The following POFUT3 variants were observed in gnomAD, a reference collection of about 807,000 sequenced individuals.
The protein encoded by POFUT3 is GDP-fucose protein O-fucosyltransferase 3.
At chr8:33,396,503 CTA>C in the POFUT3 span, among the ~76,000 whole-genome samples, 3 of 152,284 alleles carry the variant, frequency 2.0e-5, no homozygotes, top group South Asian at 2.1e-4. Flanking sequence ...TCTAAAAATA[CTA>C]TGTTTCTTGG....
the POFUT3 span, among the ~76,000 whole-genome samples, chr8:33,447,901 G>C: frequency 2.7e-4 from 41 of 152,190 alleles, no homozygotes; most frequent in Admixed American, 2.0e-4. Context: ...CACTCAGACA[G>C]AAGAGTGTGT....
At chr8:33,383,375 C>T in the POFUT3 span, among the ~76,000 whole-genome samples, 1 of 152,112 alleles carries the variant, frequency 6.6e-6, no homozygotes, top group Non-Finnish European at 1.5e-5. Context: ...GGTGGTAAAT[C>T]CCCATTAAAA....
the POFUT3 span, among the ~76,000 whole-genome samples, chr8:33,345,818 A>G: frequency 6.8e-6 from 1 of 146,352 alleles, no homozygotes; most frequent in African/African-American, 2.5e-5. Flanking sequence ...AGAAGTTGGT[A>G]TTTATTACTT....
chr8:33,436,135 G>T, the POFUT3 span: 1 of 1,213,230 alleles, frequency 8.2e-7, no homozygotes, highest in East Asian at 3.4e-5. Context: ...GAAAGGAAGA[G>T]AAGGTCTCAA....
the POFUT3 span, among the ~76,000 whole-genome samples, chr8:33,359,543 C>G: frequency 6.6e-6 from 1 of 152,100 alleles, no homozygotes; most frequent in African/African-American, 2.4e-5. Flanking sequence ...GAGTTCAGAT[C>G]ATCTCCACCA....
At chr8:33,399,145 G>A in the POFUT3 span, among the ~76,000 whole-genome samples, 1 of 152,084 alleles carries the variant, frequency 6.6e-6, no homozygotes, top group East Asian at 1.9e-4. Context: ...CCAGCATATA[G>A]CCATTTTCTT....
At chr8:33,386,565 C>G in the POFUT3 span, among the ~76,000 whole-genome samples, 1 of 152,176 alleles carries the variant, frequency 6.6e-6, no homozygotes, top group Non-Finnish European at 1.5e-5. Flanking sequence ...AATCTCAGCA[C>G]TTTGTGAGGC....
At chr8:33,428,840 C>T in the POFUT3 span, among the ~76,000 whole-genome samples, 1 of 152,212 alleles carries the variant, frequency 6.6e-6, no homozygotes, top group Non-Finnish European at 1.5e-5. Flanking sequence ...GTGATGATCC[C>T]TCCATCTTAG....
At chr8:33,399,122 A>T in the POFUT3 span, among the ~76,000 whole-genome samples, 2 of 152,138 alleles carry the variant, frequency 1.3e-5, no homozygotes, top group Non-Finnish European at 2.9e-5. Context: ...ATTTATTTAG[A>T]TTTACTTTAA....
At chr8:33,338,652 T>C in the POFUT3 span, among the ~76,000 whole-genome samples, 139 of 152,286 alleles carry the variant, frequency 9.1e-4, 1 homozygote, top group African/African-American at 3.2e-3. Flanking sequence ...CCCATTGCAG[T>C]ATCAGTAGAG....
chr8:33,331,555 C>T, the POFUT3 span, among the ~76,000 whole-genome samples: 2 of 152,102 alleles, frequency 1.3e-5, no homozygotes, highest in Admixed American at 6.5e-5. Flanking sequence ...GGGGCAGTGG[C>T]TCACACCTGT....
chr8:33,372,177 G>A, the POFUT3 span: 1 of 994,716 alleles, frequency 1.0e-6, no homozygotes, highest in East Asian at 1.1e-4. Context: ...TTCATGCTCG[G>A]CTGCAGGATA....
the POFUT3 span, among the ~76,000 whole-genome samples, chr8:33,421,207 GAA>G: frequency 6.6e-6 from 1 of 152,060 alleles, no homozygotes; most frequent in African/African-American, 2.4e-5. Context: ...GGAATGAAAT[GAA>G]AAGACTTCAG....
At chr8:33,389,687 A>G in the POFUT3 span, 5 of 1,614,190 alleles carry the variant, frequency 3.1e-6, no homozygotes, top group Admixed American at 8.3e-5. Context: ...CAAGGTGATC[A>G]CTGGTTTATG....
At chr8:33,428,858 A>T in the POFUT3 span, among the ~76,000 whole-genome samples, 1 of 152,210 alleles carries the variant, frequency 6.6e-6, no homozygotes, top group Admixed American at 6.5e-5. Flanking sequence ...TAGATTTCCC[A>T]GCCCCCAGAA....
chr8:33,460,225 A>G, the POFUT3 span, among the ~76,000 whole-genome samples: 5 of 151,718 alleles, frequency 3.3e-5, no homozygotes, highest in East Asian at 9.7e-4. Flanking sequence ...ACCATGGCAC[A>G]TGCCTGTGGT....
chr8:33,352,949 GA>G, the POFUT3 span, among the ~76,000 whole-genome samples: 1 of 152,178 alleles, frequency 6.6e-6, no homozygotes, highest in East Asian at 1.9e-4. Context: ...GGACATATGG[GA>G]CACATGTAAA....
the POFUT3 span, among the ~76,000 whole-genome samples, chr8:33,419,096 G>C: frequency 6.6e-6 from 1 of 152,200 alleles, no homozygotes; most frequent in Non-Finnish European, 1.5e-5. Context: ...GGTGGATAAA[G>C]AGAGGCTGTT....
the POFUT3 span, among the ~76,000 whole-genome samples, chr8:33,405,277 A>G: frequency 1.3e-5 from 2 of 152,018 alleles, no homozygotes; most frequent in Admixed American, 6.6e-5. Flanking sequence ...TGGACAACAG[A>G]GCAAGACTCC....
Sources: allele counts gnomAD v4.1 joint callset (sites outside exome capture counted in the v4.1 genomes callset), GRCh38; gene constraint gnomAD v4.1.1; transcripts MANE v1.5; gene names NCBI Gene and HGNC (gene_info 2026-07-23, HGNC 2026-07-21).